The following LHCGR variants were observed in gnomAD, a reference collection of about 807,000 sequenced individuals.
The protein encoded by LHCGR is lutropin-choriogonadotropic hormone receptor.
A neutral mutation model predicts 60.7 loss-of-function variants in LHCGR; 55 were observed. The ratio of observed to expected loss-of-function variants is 0.91; its 90% CI spans 0.73 to 1.13. The LOEUF is 1.13. Among genes scored for constraint, LHCGR ranks in the 50% most tolerant of loss-of-function variants. The pLI is 0.00. For missense variants in LHCGR, 862 were observed against 836.0 expected, an observed-to-expected ratio of 1.03 and a Z score of -0.38; for synonymous variants, 337 against 316.5, an observed-to-expected ratio of 1.06 and a Z score of -0.69.
intron 6 of LHCGR, among the ~76,000 whole-genome samples, chr2:48,715,194 A>G (rs1668190676): frequency 6.6e-6 from 1 of 152,042 alleles, no homozygotes; most frequent in African/African-American, 2.4e-5. Flanking sequence ...CATCTGACCC[A>G]TGATTACATT....
chr2:48,692,944 A>T, intron 10 of LHCGR, among the ~76,000 whole-genome samples: 1 of 152,236 alleles, frequency 6.6e-6, no homozygotes, highest in East Asian at 1.9e-4. Flanking sequence ...ATAGCATAGC[A>T]AACTTAAGGT....
intron 1 of LHCGR, chr2:48,733,258 A>C (rs950845778): frequency 1.0e-5 from 2 of 191,110 alleles, no homozygotes; most frequent in Non-Finnish European, 2.2e-5. Flanking sequence ...TATTCATGCA[A>C]ATGGAGCCCA....
chr2:48,689,820 T>C (rs1680125205), intron 10 of LHCGR, among the ~76,000 whole-genome samples: 1 of 152,242 alleles, frequency 6.6e-6, no homozygotes, highest in African/African-American at 2.4e-5. Context: ...GTTCAAACGA[T>C]TCCCCTGCCT....
intron 8 of LHCGR, among the ~76,000 whole-genome samples, chr2:48,699,016 G>T (rs1456943804): frequency 6.6e-6 from 1 of 151,944 alleles, no homozygotes; most frequent in African/African-American, 2.4e-5. Context: ...TAAGAGACCG[G>T]GGTTTCACCG....
intron 9 of LHCGR, among the ~76,000 whole-genome samples, chr2:48,695,144 T>C (rs898166094): frequency 6.6e-6 from 1 of 152,112 alleles, no homozygotes; most frequent in Non-Finnish European, 1.5e-5. Flanking sequence ...GGATTATTTA[T>C]TTTTTTGCTT....
intron 8 of LHCGR, among the ~76,000 whole-genome samples, chr2:48,702,263 C>CTT (rs35628117): frequency 3.1e-4 from 45 of 145,344 alleles, no homozygotes; most frequent in African/African-American, 4.5e-4. Context: ...TCTCATGTAT[C>CTT]TTTTTTTTTT....
intron 1 of LHCGR, among the ~76,000 whole-genome samples, chr2:48,752,326 A>G (rs1293006621): frequency 6.6e-6 from 1 of 152,140 alleles, no homozygotes; most frequent in African/African-American, 2.4e-5. Context: ...AGGTAAGGTT[A>G]CTAGGACCCC....
intron 10 of LHCGR, among the ~76,000 whole-genome samples, chr2:48,691,800 C>T (rs979972873): frequency 2.1e-5 from 3 of 145,856 alleles, no homozygotes; most frequent in South Asian, 2.2e-4. Flanking sequence ...GAGCTGAGAT[C>T]GTGCCACTGC....
intron 6 of LHCGR, 58 bp from the exon 7 acceptor site, chr2:48,714,112 AAC>A (rs1245887354): frequency 6.3e-6 from 8 of 1,270,590 alleles, no homozygotes; most frequent in Non-Finnish European, 9.2e-6. Flanking sequence ...ACAGTTTGGA[AAC>A]ACATTTTTCC....
At chr2:48,725,893 T>A in intron 3 of LHCGR, 143 bp from the exon 4 acceptor site, 13 of 685,376 alleles carry the variant, frequency 1.9e-5, no homozygotes, top group Middle Eastern at 2.4e-4. Flanking sequence ...GGAGGACCCC[T>A]AGCGACTCTG....
At chr2:48,698,495 T>A in intron 9 of LHCGR, 120 bp downstream of exon 9, 1 of 781,048 alleles carries the variant, frequency 1.3e-6, no homozygotes, top group African/African-American at 1.7e-5. Flanking sequence ...ACCCCATGTC[T>A]ACGGAGCTGG....
At chr2:48,710,476 T>C (rs1053164620) in intron 7 of LHCGR, among the ~76,000 whole-genome samples, 4 of 152,230 alleles carry the variant, frequency 2.6e-5, no homozygotes, top group Non-Finnish European at 5.9e-5. Context: ...AACTCAGATC[T>C]TTCTGTATAC....
Position 48,736,322 on chromosome 2 carries a change from G to A in LHCGR, c.162-5024C>T, listed in dbSNP as rs529311007. ...TGCCTCCGGGTGGGACTACTCAGAA[G>A]GACCATCCTATCTTTAGACCTTCTT... On this transcript the variant is annotated intron_variant, in intron 1 of 10. Transcript: ENST00000294954. 4.1e-4 allele frequency among the ~76,000 whole-genome samples: 62 copies of A among 152,230 alleles called. No individual in the cohort carries two copies. The South Asian group carries it at 0.011, about 27-fold the overall frequency.
At chr2:48,727,052 A>G (rs1433444409) in intron 3 of LHCGR, among the ~76,000 whole-genome samples, 4 of 152,018 alleles carry the variant, frequency 2.6e-5, no homozygotes, top group Non-Finnish European at 5.9e-5. Flanking sequence ...TTTTGTTGTA[A>G]TTATTTCTAC....
At chr2:48,742,781 A>T (rs1371724400) in intron 1 of LHCGR, among the ~76,000 whole-genome samples, 2 of 152,152 alleles carry the variant, frequency 1.3e-5, no homozygotes, top group African/African-American at 4.8e-5. Context: ...CAATTAAAAG[A>T]ACTAGAAAAG....
chr2:48,714,046 T>C lies in LHCGR; in HGVS notation c.545A>G (p.Tyr182Cys), dbSNP rs1668121032. ...TTGTACTTCTTCAAATCCATTTCCA[T>C]ATAGTTTGCTGAAGGAGGGAGGAGA... is the stretch of plus-strand genomic sequence containing the variant. The part of the protein sequence containing the change: ...MNNESVTLKL[Y>C]GNGFEEVQSH... Residue 182 changes from tyrosine to cysteine, a missense_variant, in exon 7 of 11, where the codon TAT becomes TGT. Transcript: ENST00000294954. 2 of 1,611,918 alleles carry C rather than the reference T, an allele frequency of 1.2e-6. No individual in the cohort carries two copies. The highest frequency in any genetic ancestry group is 1.1e-5 in the South Asian group (1 of 91,038).
intron 1 of LHCGR, among the ~76,000 whole-genome samples, chr2:48,732,196 C>G (rs1205467997): frequency 6.6e-6 from 1 of 152,166 alleles, no homozygotes; most frequent in Non-Finnish European, 1.5e-5. Context: ...AACATGCAGC[C>G]AACATTTATT....
chr2:48,728,103 A>T (rs916420461), intron 3 of LHCGR, among the ~76,000 whole-genome samples: 5 of 149,234 alleles, frequency 3.4e-5, no homozygotes, highest in Non-Finnish European at 7.4e-5. Flanking sequence ...TTTTTTTTTT[A>T]AACTCATCAG....
In LHCGR at chr2:48,755,610, A is replaced by AGCGGCGGCT; in HGVS notation, c.53_61dup (p.Gln18_Pro20dup). ...GAGCGCCTCGCGCAGCGCTCGTGGC[A>AGCGGCGGCT]GCGGCGGCTGCAGCAGCAGCAGCAG... is the stretch of plus-strand genomic sequence containing the variant. On this transcript the variant is annotated inframe_insertion, in exon 1 of 11. Coordinates refer to ENST00000294954, the MANE Select transcript of LHCGR (RefSeq NM_000233.4). The AGCGGCGGCT allele has an allele frequency of 6.7e-7, 1 of 1,482,032 alleles. No individual in the cohort carries two copies. The highest frequency in any genetic ancestry group is 9.1e-7 in the Non-Finnish European group (1 of 1,097,934). 91.8% of individuals were successfully genotyped at this position (1,482,032 alleles called of 1,614,324 possible). A position where few individuals can be genotyped will look rare whatever the true frequency, so the allele number is the denominator to read the frequency against.
Sources: allele counts gnomAD v4.1 joint callset (sites outside exome capture counted in the v4.1 genomes callset), GRCh38; gene constraint gnomAD v4.1.1; transcripts MANE v1.5; gene names NCBI Gene and HGNC (gene_info 2026-07-23, HGNC 2026-07-21).